WDR91: variants seen among roughly 807,000 people sequenced by gnomAD.
WDR91 encodes the protein WD repeat domain 91, also known as WD repeat-containing protein 91.
WDR91 carries 52 observed loss-of-function variants against 88.4 expected under a neutral mutation model. The ratio of observed to expected loss-of-function variants is 0.59; its 90% confidence interval spans 0.47 to 0.74. The LOEUF is 0.74. Among genes scored for constraint, WDR91 ranks in the 30% least tolerant of loss-of-function variants. The probability of loss-of-function intolerance (pLI) is 0.00; values close to 1 mark genes in which losing one functional copy is unlikely to be tolerated. For missense variants in WDR91, 824 were observed against 954.5 expected, an observed-to-expected ratio of 0.86 and a Z score of 1.80; for synonymous variants, 362 against 389.5, an observed-to-expected ratio of 0.93 and a Z score of 0.83.
Position 135,193,444 on chromosome 7 carries a change from G to A in WDR91, c.1491-45C>T, listed in dbSNP as rs1279125356. The A allele has an allele frequency of 1.9e-6, 3 of 1,611,176 alleles. No homozygotes were observed. In the Middle Eastern group the frequency reaches 5.0e-4, roughly 271 times the overall value. On this transcript the variant is annotated intron_variant, in intron 10 of 14. Transcript: ENST00000354475. ...GGGTCAGACCCTCTGCCTGCCCACA[G>A]AGGGAGGGTGCACTTTGGTCCTGAG...
At chr7:135,193,476 T>A in intron 10 of WDR91, 77 bp from the exon 11 acceptor site, 1 of 1,610,652 alleles carries the variant, frequency 6.2e-7, no homozygotes, top group South Asian at 1.1e-5. Flanking sequence ...TGAGGCTGGA[T>A]CCTGCACAGG....
At chr7:135,205,695 A>C (rs1189503621) in intron 5 of WDR91, among the ~76,000 whole-genome samples, 2 of 152,212 alleles carry the variant, frequency 1.3e-5, no homozygotes, top group Non-Finnish European at 2.9e-5. Flanking sequence ...AGGAGGCAGA[A>C]GTTGCTTTGA....
chr7:135,197,545 C>T (rs2117670430), intron 7 of WDR91: 1 of 156,528 alleles, frequency 6.4e-6, no homozygotes, highest in South Asian at 1.9e-4. Context: ...ACATGGCCCT[C>T]AGTGCAGCAA....
intron 6 of WDR91, chr7:135,199,089 G>C (rs562416842): frequency 7.9e-5 from 12 of 152,210 alleles, no homozygotes; most frequent in Non-Finnish European, 1.3e-4. Context: ...CCTAAGTGAA[G>C]AGAAGAAACT....
Position 135,188,697 on chromosome 7 carries a change from C to T in WDR91, c.1769-152G>A, listed in dbSNP as rs111797234. ...CCAGGACCCAATGAGCGCCATAAAG[C>T]TGCCCCTGCCCAAGAGGTCAGGCTG... On this transcript the variant is annotated intron_variant, in intron 12 of 14. Transcript: ENST00000354475. The T allele has an allele frequency of 4.6e-3, 2,995 of 654,582 alleles. 73 individuals are homozygous for T. In the African/African-American group the frequency reaches 0.049, roughly 11 times the overall value. The allele number at this position is 654,582 out of a possible 1,614,324, so 40.5% of individuals were successfully genotyped here. A position where few individuals can be genotyped will look rare whatever the true frequency, so the allele number is the denominator to read the frequency against.
rs1293662262 is a variant in WDR91, at chr7:135,191,568, G to A, written c.1659+1663C>T. 1.4e-4 allele frequency among the ~76,000 whole-genome samples: 18 copies of A among 124,980 alleles called. No individual in the cohort carries two copies. The Admixed American group carries it at 2.0e-3, about 14-fold the overall frequency. 82.0% of individuals were successfully genotyped at this position (124,980 alleles called of 152,430 possible). A position where few individuals can be genotyped will look rare whatever the true frequency, so the allele number is the denominator to read the frequency against. ...TGTGCTGAGCAGAGATTGTGCCGCT[G>A]CACTCCAGCCTGGGTGACAGAGCAA... On this transcript the variant is annotated intron_variant, in intron 11 of 14. Coordinates refer to ENST00000354475, the MANE Select transcript of WDR91 (RefSeq NM_014149.4).
chr7:135,199,867 A>G (rs1393268910), intron 6 of WDR91: 1 of 152,230 alleles, frequency 6.6e-6, no homozygotes, highest in Non-Finnish European at 1.5e-5. Flanking sequence ...GGAGGCTTCG[A>G]ATTCCTCTGG....
chr7:135,196,454 G>T lies in WDR91; in HGVS notation c.1051-117C>A. 1.0e-6 allele frequency: 1 copy of T among 983,994 alleles called. No individual in the cohort carries two copies. Among genetic ancestry groups the T allele is most frequent in the Non-Finnish European group, 1.4e-6 (1 of 703,172 alleles). The allele number at this position is 983,994 out of a possible 1,614,324, so 61.0% of individuals were successfully genotyped here. A position where few individuals can be genotyped will look rare whatever the true frequency, so the allele number is the denominator to read the frequency against. ...TTTTGCGGGGTTCTCGGTAATTACA[G>T]AGTGGAGAGGAGAGCTCTGACCTGC... is the stretch of plus-strand genomic sequence containing the variant. On this transcript the variant is annotated intron_variant, in intron 7 of 14. Coordinates refer to ENST00000354475, the MANE Select transcript of WDR91 (RefSeq NM_014149.4). This position sits in a 1 kb window ranked among gnomAD's most constrained non-coding sequence, Gnocchi z 4.2.
chr7:135,209,220 A>T (rs745857052), intron 2 of WDR91, among the ~76,000 whole-genome samples: 38 of 152,246 alleles, frequency 2.5e-4, no homozygotes, highest in Non-Finnish European at 4.7e-4. Flanking sequence ...CATCCTAAAA[A>T]TTAATCCCTA....
intron 11 of WDR91, among the ~76,000 whole-genome samples, chr7:135,192,452 A>T (rs191695495): frequency 1.7e-3 from 256 of 152,328 alleles, no homozygotes; most frequent in African/African-American, 6.0e-3. Context: ...CACATTTGCC[A>T]AAGTGAGGAA....
chr7:135,190,445 TCA>T (rs1337457018), intron 11 of WDR91, among the ~76,000 whole-genome samples: 3 of 151,574 alleles, frequency 2.0e-5, no homozygotes, highest in African/African-American at 4.8e-5. Flanking sequence ...CAAAATATTC[TCA>T]GAGATACTGG....
At chr7:135,200,512 C>A (rs931540057) in intron 6 of WDR91, among the ~76,000 whole-genome samples, 3 of 152,170 alleles carry the variant, frequency 2.0e-5, no homozygotes, top group South Asian at 2.1e-4. Context: ...ATCTTTGTAA[C>A]CTTAGCACCC....
intron 6 of WDR91, among the ~76,000 whole-genome samples, chr7:135,200,738 G>A (rs1000619778): frequency 1.3e-5 from 2 of 152,152 alleles, no homozygotes; most frequent in African/African-American, 4.8e-5. Context: ...TACAGTTCAG[G>A]AGAGACACGG....
At chr7:135,187,613 G>A (rs1024669643) in intron 13 of WDR91, among the ~76,000 whole-genome samples, 3 of 152,008 alleles carry the variant, frequency 2.0e-5, no homozygotes, top group African/African-American at 7.3e-5. Context: ...AGGTACAGAG[G>A]ACAAAGTCCA....
At position 135,193,236 on chromosome 7, in the gene WDR91, G is replaced by C; in HGVS notation, c.1654C>G (p.Gln552Glu). 1 of 1,613,826 alleles carries C rather than the reference G, an allele frequency of 6.2e-7. No individual in the cohort carries two copies. Among genetic ancestry groups the C allele is most frequent in the East Asian group, 2.2e-5 (1 of 44,888 alleles). The change falls in exon 11 of 15, where the codon CAG (glutamine) becomes GAG (glutamate). Residue 552 changes from glutamine to glutamate, a missense_variant. Coordinates refer to ENST00000354475, the MANE Select transcript of WDR91 (RefSeq NM_014149.4). ...LLLWDTKTMK[Q>E]QLQFSLDPEP... ...GCCACAGGGCAGGCCCGTACCTGCT[G>C]CTTCATGGTTTTCGTGTCCCACAGC...
At chr7:135,195,119 C>G in intron 8 of WDR91, 35 bp from the exon 9 acceptor site, 1 of 1,596,436 alleles carries the variant, frequency 6.3e-7, no homozygotes, top group Non-Finnish European at 8.5e-7. Context: ...TGTCAGCTGG[C>G]CTCTCAGTCC....
At chr7:135,206,160 G>A (rs1449674308) in intron 4 of WDR91, 102 bp from the exon 5 acceptor site, 1 of 1,478,518 alleles carries the variant, frequency 6.8e-7, no homozygotes, top group East Asian at 2.3e-5. Flanking sequence ...TGGTCTGAGT[G>A]CCACTCGCCT....
chr7:135,202,843 T>C (rs748403305), intron 6 of WDR91, among the ~76,000 whole-genome samples: 3 of 152,202 alleles, frequency 2.0e-5, no homozygotes, highest in African/African-American at 4.8e-5. Flanking sequence ...AAAATATTCA[T>C]AGGAGTAACC....
intron 12 of WDR91, 48 bp from the exon 13 acceptor site, chr7:135,188,593 GAA>G: frequency 6.5e-7 from 1 of 1,534,766 alleles, no homozygotes; most frequent in Non-Finnish European, 9.0e-7. Flanking sequence ...GGGCTCTGCA[GAA>G]GGAATCTGCC....
Sources: allele counts gnomAD v4.1 joint callset (sites outside exome capture counted in the v4.1 genomes callset), GRCh38; gene constraint gnomAD v4.1.1; non-coding constraint Gnocchi (gnomAD v3.1); transcripts MANE v1.5; gene names NCBI Gene and HGNC (gene_info 2026-07-23, HGNC 2026-07-21).